Variants in ANXA4 observed in about 807,000 individuals in gnomAD.
ANXA4 encodes annexin A4.
A neutral mutation model predicts 49.8 loss-of-function variants in ANXA4; 39 were observed. That is an observed-to-expected ratio of 0.78 (90% confidence interval 0.61 to 1.02). The LOEUF is 1.02. ANXA4 is among the 50% of genes least tolerant of loss of function. ANXA4 has a pLI of 0.00. For synonymous variants in ANXA4, 134 were observed against 152.5 expected (o/e 0.88, Z 0.89); for missense variants, 360 against 410.1 (o/e 0.88, Z 1.05).
At chr2:69,755,940 G>A (rs766231196) in intron 1 of ANXA4, among the ~76,000 whole-genome samples, 2 of 151,914 alleles carry the variant, frequency 1.3e-5, no homozygotes, top group East Asian at 1.9e-4. Context: ...CTATGCTCTC[G>A]AGGGTATTTA....
In ANXA4 at chr2:69,804,514, G is replaced by C. The variant is rs1484700396; in HGVS notation, c.98-19G>C. The C allele has an allele frequency of 6.2e-7, 1 of 1,604,860 alleles. No individual in the cohort carries two copies. Among genetic ancestry groups the C allele is most frequent in the Non-Finnish European group, 8.5e-7 (1 of 1,172,086 alleles). ...CTCTCTCAAATCACACTTACCTGCT[G>C]TCTCCCTTCTTCCCCCAGGCACCGA... On this transcript the variant is annotated intron_variant, in intron 3 of 12. Coordinates refer to ENST00000394295, the MANE Select transcript of ANXA4 (RefSeq NM_001153.5).
upstream of ANXA4, among the ~76,000 whole-genome samples, chr2:69,737,411 A>C (rs566954628): frequency 5.9e-5 from 9 of 152,230 alleles, no homozygotes; most frequent in South Asian, 1.9e-3. Context: ...CCAGATGTCC[A>C]AGGCTGGCTT....
chr2:69,754,311 G>T (rs1559146405), intron 1 of ANXA4, among the ~76,000 whole-genome samples: 1 of 152,144 alleles, frequency 6.6e-6, no homozygotes, highest in Non-Finnish European at 1.5e-5. Context: ...GTGTGGTTTG[G>T]GGACCCTTTC....
chr2:69,707,722 G>A (rs1345468369), intron 2 of ANXA4, among the ~76,000 whole-genome samples: 1 of 152,138 alleles, frequency 6.6e-6, no homozygotes, highest in Non-Finnish European at 1.5e-5. Flanking sequence ...TTTATCCTTT[G>A]TGTTACAAAC....
chr2:69,700,175 G>A (rs1316104487), intron 2 of ANXA4: 8 of 152,174 alleles, frequency 5.3e-5, no homozygotes, highest in Admixed American at 3.9e-4. Flanking sequence ...GTAAACCGAC[G>A]AAGCTCACAG....
rs930279163 is a variant in ANXA4, at chr2:69,826,983, T to C, written c.*1468T>C. 4 of 152,206 alleles carry C rather than the reference T, an allele frequency of 2.6e-5. No homozygotes were observed. The highest frequency in any genetic ancestry group is 7.2e-5 in the African/African-American group (3 of 41,456). The allele number at this position is 152,206 out of a possible 1,614,324, so 9.4% of individuals were successfully genotyped here. On this transcript the variant is annotated 3_prime_UTR_variant, in exon 13 of 13. Coordinates refer to ENST00000394295, the MANE Select transcript of ANXA4 (RefSeq NM_001153.5). ...GCGTGCCTACTGGCTAATGTTCACA[T>C]ATGCCAAACACTACTCAATAACATA... is the stretch of plus-strand genomic sequence containing the variant.
intron 3 of ANXA4, among the ~76,000 whole-genome samples, chr2:69,731,647 TG>T (rs1220011715): frequency 6.6e-6 from 1 of 152,156 alleles, no homozygotes; most frequent in Non-Finnish European, 1.5e-5. Context: ...AAAAAGCAGA[TG>T]TTTTTTAAAA....
chr2:69,814,743 G>GGTATGTGTGTGT, intron 8 of ANXA4: 1 of 123,702 alleles, frequency 8.1e-6, no homozygotes, highest in African/African-American at 3.6e-5. Flanking sequence ...GACACAGAGG[G>GGTATGTGTGTGT]GTGTGTGTGT....
At chr2:69,755,390 C>T (rs1181105291) in intron 1 of ANXA4, among the ~76,000 whole-genome samples, 1 of 152,192 alleles carries the variant, frequency 6.6e-6, no homozygotes, top group African/African-American at 2.4e-5. Context: ...GAGGCCGAGG[C>T]TGGCAGATCA....
chr2:69,780,686 G>A (rs1672159994), intron 1 of ANXA4, among the ~76,000 whole-genome samples: 1 of 152,176 alleles, frequency 6.6e-6, no homozygotes, highest in African/African-American at 2.4e-5. Context: ...AGGCTGCAGA[G>A]GGCTATGATT....
intron 2 of ANXA4, among the ~76,000 whole-genome samples, chr2:69,783,390 TA>T (rs1672281850): frequency 6.6e-6 from 1 of 152,102 alleles, no homozygotes; most frequent in Non-Finnish European, 1.5e-5. Context: ...TAATTTTTTG[TA>T]TTTTTGGTAG....
In ANXA4 at chr2:69,819,266, T is replaced by C. The variant is rs374405430; in HGVS notation, c.725-14T>C. The stretch of plus-strand genomic sequence containing the variant: ...CTGTAATCTTTTCATTTCTTCTTTT[T>C]TTTTCTTTGACAGTAAAGTGCATGA... On this transcript the variant is annotated splice_polypyrimidine_tract_variant and intron_variant, in intron 10 of 12. Coordinates refer to ENST00000394295, the MANE Select transcript of ANXA4 (RefSeq NM_001153.5). The C allele has an allele frequency of 3.6e-5, 57 of 1,581,392 alleles. No homozygotes were observed. The African/African-American group carries it at 5.5e-4, about 15-fold the overall frequency.
At chr2:69,715,156 T>G (rs1217834174) in intron 2 of ANXA4, among the ~76,000 whole-genome samples, 1 of 152,216 alleles carries the variant, frequency 6.6e-6, no homozygotes, top group Non-Finnish European at 1.5e-5. Context: ...AAGTTAAATT[T>G]TGCCTAAAAT....
chr2:69,677,303 C>T (rs1677446490), intron 2 of ANXA4, among the ~76,000 whole-genome samples: 1 of 152,092 alleles, frequency 6.6e-6, no homozygotes, highest in African/African-American at 2.4e-5. Flanking sequence ...CATCTTGGCT[C>T]ACTGCAACCT....
rs1169368687 is a variant in ANXA4 at position 69,812,675 on chromosome 2, A to T, written c.500A>T (p.Tyr167Phe). The T allele has an allele frequency of 1.9e-6, 3 of 1,614,024 alleles. No homozygotes were observed. The highest frequency in any genetic ancestry group is 2.2e-5 in the East Asian group (1 of 44,902). Residue 167 changes from tyrosine (Y) to phenylalanine (F), a missense_variant, in exon 8 of 13, where the codon TAT becomes TTT. Physicochemically the swap from Tyr to Phe is conservative, Grantham distance 22. Transcript: ENST00000394295. ...LSAGGRDEGN[Y>F]LDDALVRQDA... is the part of the protein sequence containing the mutation. Reference sequence around the variant, plus strand: ...CAGGGTGGGAGGGATGAAGGAAATTATCTGGACGATGCTCTCGTGAGACAG... The same window carrying T: ...CAGGGTGGGAGGGATGAAGGAAATTTTCTGGACGATGCTCTCGTGAGACAG...
chr2:69,820,675 T>A, intron 11 of ANXA4, 24 bp from the exon 12 acceptor site: 1 of 1,612,640 alleles, frequency 6.2e-7, no homozygotes, highest in Non-Finnish European at 8.5e-7. Context: ...TTTGTATATG[T>A]TTGGATTTCG....
chr2:69,807,882 C>G, intron 5 of ANXA4, 24 bp from the exon 6 acceptor site: 1 of 1,608,608 alleles, frequency 6.2e-7, no homozygotes. Context: ...CTCATATAGC[C>G]CTGTCCTCTG....
rs1559046631 is a variant in ANXA4 at position 69,656,359 on chromosome 2, ATATATATGTGTATATATG to A, written n.766+3079_766+3096del. ...TGTATATATATGTGTATATATGTGT[ATATATATGTGTATATATG>A]TGTATATATATGTGTATATATATGT... On this transcript the variant is annotated intron_variant and non_coding_transcript_variant, in intron 2 of 3. Transcript: ENST00000418066. 1.7e-4 allele frequency among the ~76,000 whole-genome samples: 22 copies of A among 129,274 alleles called. 2 individuals carry two copies. In the East Asian group the frequency reaches 3.9e-3, roughly 23 times the overall value. The allele number at this position is 129,274 out of a possible 152,430, so 84.8% of individuals were successfully genotyped here.
At chr2:69,784,363 C>T (rs1011447605) in intron 2 of ANXA4, among the ~76,000 whole-genome samples, 8 of 152,220 alleles carry the variant, frequency 5.3e-5, no homozygotes, top group African/African-American at 1.9e-4. Flanking sequence ...ATAGTAGTGT[C>T]CCACAGCAAC....
Sources: allele counts gnomAD v4.1 joint callset (sites outside exome capture counted in the v4.1 genomes callset), GRCh38; gene constraint gnomAD v4.1.1; transcripts MANE v1.5; gene names NCBI Gene and HGNC (gene_info 2026-07-23, HGNC 2026-07-21).